Variants in CNTN5 observed in about 807,000 individuals in gnomAD.
CNTN5 encodes the protein contactin 5.
CNTN5 carries 77 observed loss-of-function variants against 129.1 expected under a neutral mutation model. The ratio of observed to expected loss-of-function variants is 0.60; its 90% CI spans 0.50 to 0.72. The LOEUF is 0.72. Among genes scored for constraint, CNTN5 ranks in the 30% least tolerant of loss-of-function variants. CNTN5 has a pLI of 0.00. For missense variants in CNTN5, 1,478 were observed against 1,328.8 expected (o/e 1.11, Z -1.75); for synonymous variants, 509 against 465.6 (o/e 1.09, Z -1.20).
At position 99,473,697 on chromosome 11, in the gene CNTN5, A is replaced by G. The variant is rs989638417; in HGVS notation, c.-70-82448A>G. 3.3e-5 allele frequency among the ~76,000 whole-genome samples: 5 copies of G among 152,044 alleles called. No individual in the cohort carries two copies. In the South Asian group the frequency reaches 6.2e-4, roughly 19 times the overall value. On this transcript the variant is annotated intron_variant, in intron 2 of 24. Coordinates refer to ENST00000524871, the MANE Select transcript of CNTN5 (RefSeq NM_014361.4). ...TTGTTGTCTTTGACTTAGAGACTCTATAATTAAAGTAAAAGCACATTTCAA... is the reference window on the plus strand; with the variant it reads ...TTGTTGTCTTTGACTTAGAGACTCTGTAATTAAAGTAAAAGCACATTTCAA...
rs144979262 is a variant in CNTN5, at chr11:99,765,178, A to G, written c.56-54366A>G. Among the ~76,000 whole-genome samples, 192 of 152,154 alleles carry G rather than the reference A, an allele frequency of 1.3e-3. 1 individual carries two copies. The highest frequency in any genetic ancestry group is 4.2e-3 in the African/African-American group (175 of 41,534). ...AACTGAGCCTGAGTCCAGTTTCTCT[A>G]TTAGAAAGACTAAGAAACAGTTGTT... is the stretch of plus-strand genomic sequence containing the variant. On this transcript the variant is annotated intron_variant, in intron 3 of 24. Coordinates refer to ENST00000524871, the MANE Select transcript of CNTN5 (RefSeq NM_014361.4).
intron 6 of CNTN5, among the ~76,000 whole-genome samples, chr11:99,882,152 A>T (rs913223205): frequency 6.6e-6 from 1 of 152,226 alleles, no homozygotes; most frequent in African/African-American, 2.4e-5. Flanking sequence ...TCTGCTGAAA[A>T]TAAGTTTAAT....
At chr11:99,948,841 A>G (rs2136139759) in intron 7 of CNTN5, among the ~76,000 whole-genome samples, 1 of 152,318 alleles carries the variant, frequency 6.6e-6, no homozygotes, top group African/African-American at 2.4e-5. Flanking sequence ...TGCTATGAAG[A>G]TTGGCTGCTT....
At chr11:99,494,531 C>T (rs1163600402) in intron 2 of CNTN5, among the ~76,000 whole-genome samples, 1 of 152,030 alleles carries the variant, frequency 6.6e-6, no homozygotes, top group Non-Finnish European at 1.5e-5. Flanking sequence ...TAATGGGGTC[C>T]AGGAAGCTGA....
At chr11:99,983,217 A>C (rs1200702489) in intron 8 of CNTN5, among the ~76,000 whole-genome samples, 1 of 152,214 alleles carries the variant, frequency 6.6e-6, no homozygotes, top group East Asian at 1.9e-4. Context: ...TGGAGAGATG[A>C]ATTTGAGTAT....
At chr11:99,543,994 G>C (rs1209482439) in intron 2 of CNTN5, among the ~76,000 whole-genome samples, 1 of 150,880 alleles carries the variant, frequency 6.6e-6, no homozygotes, top group Non-Finnish European at 1.5e-5. Flanking sequence ...TCTAAATATA[G>C]GGACATTGTG....
intron 3 of CNTN5, among the ~76,000 whole-genome samples, chr11:99,714,000 C>T (rs182714363): frequency 3.9e-5 from 6 of 151,986 alleles, no homozygotes; most frequent in East Asian, 2.0e-4. Context: ...TCCGCAGACA[C>T]AAAATAACTT....
chr11:99,987,089 CACAA>C (rs1938730213), intron 8 of CNTN5, among the ~76,000 whole-genome samples: 2 of 151,960 alleles, frequency 1.3e-5, no homozygotes, highest in Admixed American at 1.3e-4. Context: ...CAAAAAAGAA[CACAA>C]ACATTGAAAT....
intron 2 of CNTN5, among the ~76,000 whole-genome samples, chr11:99,367,493 G>A (rs1386639037): frequency 1.3e-5 from 2 of 152,076 alleles, no homozygotes; most frequent in African/African-American, 4.8e-5. Context: ...ATTTATTTTT[G>A]TGTGTAGGGA....
chr11:99,482,685 A>T (rs1945646831), intron 2 of CNTN5, among the ~76,000 whole-genome samples: 1 of 152,166 alleles, frequency 6.6e-6, no homozygotes, highest in Admixed American at 6.5e-5. Flanking sequence ...AACTATAAAA[A>T]TCCTAGAAGA....
intron 13 of CNTN5, among the ~76,000 whole-genome samples, chr11:100,158,470 GAAT>G (rs1947330998): frequency 6.6e-6 from 1 of 151,582 alleles, no homozygotes; most frequent in Admixed American, 6.6e-5. Context: ...TGTTTACTTT[GAAT>G]ATATACCATT....
At position 99,510,997 on chromosome 11, in the gene CNTN5, C is replaced by T. The variant is rs144713451; in HGVS notation, c.-70-45148C>T. 6.5e-3 allele frequency among the ~76,000 whole-genome samples: 995 copies of T among 152,174 alleles called. 14 individuals are homozygous for T. Among genetic ancestry groups the T allele is most frequent in the African/African-American group, 0.023 (944 of 41,508 alleles). ...GATGTAAAGGGGCAAGACAGTGATACTGATGATCCTGACCCTTTGCAGGCC... is the reference window on the plus strand; with the variant it reads ...GATGTAAAGGGGCAAGACAGTGATATTGATGATCCTGACCCTTTGCAGGCC... On this transcript the variant is annotated intron_variant, in intron 2 of 24. Coordinates refer to ENST00000524871, the MANE Select transcript of CNTN5 (RefSeq NM_014361.4).
chr11:100,002,096 A>G lies in CNTN5; in HGVS notation c.940A>G (p.Lys314Glu), dbSNP rs1182996274. Residue 314 changes from lysine to glutamate, a missense_variant, in exon 9 of 25, where the codon AAA (lysine) becomes GAA (glutamate). Coordinates refer to ENST00000524871, the MANE Select transcript of CNTN5 (RefSeq NM_014361.4). ...VHFPFTVTAA[K>E]GTTVKMECFA... The stretch of plus-strand genomic sequence containing the variant: ...TTTTCCTTTCACGGTTACAGCTGCT[A>G]AAGGAACAACTGTTAAGATGGAATG... 8 of 1,598,006 alleles carry G rather than the reference A, an allele frequency of 5.0e-6. No individual in the cohort carries two copies. The South Asian group carries it at 6.8e-5, about 14-fold the overall frequency.
At chr11:99,828,085 G>A (rs1947024200) in intron 4 of CNTN5, among the ~76,000 whole-genome samples, 1 of 152,008 alleles carries the variant, frequency 6.6e-6, no homozygotes, top group African/African-American at 2.4e-5. Flanking sequence ...ACATTCATAT[G>A]TATTATACTT....
chr11:99,778,885 A>C lies in CNTN5; in HGVS notation c.56-40659A>C, dbSNP rs991093103. 4.0e-5 allele frequency among the ~76,000 whole-genome samples: 6 copies of C among 150,352 alleles called. No homozygotes were observed. The East Asian group carries it at 1.2e-3, about 30-fold the overall frequency. ...TGTTAAATTTATAAAAGAATATGGT[A>C]AATTAATTTCATAGCATTTTATTAC... On this transcript the variant is annotated intron_variant, in intron 3 of 24. Coordinates refer to ENST00000524871, the MANE Select transcript of CNTN5 (RefSeq NM_014361.4).
chr11:99,419,492 C>T (rs1035789739), intron 2 of CNTN5, among the ~76,000 whole-genome samples: 2 of 152,106 alleles, frequency 1.3e-5, no homozygotes, highest in Non-Finnish European at 2.9e-5. Context: ...AATGTTGAAA[C>T]CATGCTGTGC....
intron 7 of CNTN5, among the ~76,000 whole-genome samples, chr11:99,930,103 T>G (rs1950157106): frequency 6.6e-6 from 1 of 152,148 alleles, no homozygotes; most frequent in Non-Finnish European, 1.5e-5. Flanking sequence ...TAGAGTGACT[T>G]GCCAGTGTCT....
chr11:99,778,865 A>C (rs2135377229), intron 3 of CNTN5, among the ~76,000 whole-genome samples: 1 of 151,882 alleles, frequency 6.6e-6, no homozygotes, highest in African/African-American at 2.4e-5. Flanking sequence ...ATTTGTGTTA[A>C]ATTTATAAAA....
At chr11:99,923,514 C>T (rs1304643208) in intron 7 of CNTN5, among the ~76,000 whole-genome samples, 5 of 152,072 alleles carry the variant, frequency 3.3e-5, no homozygotes, top group African/African-American at 1.2e-4. Flanking sequence ...ATTTTACTTA[C>T]ATATTTGACT....
Sources: allele counts gnomAD v4.1 joint callset (sites outside exome capture counted in the v4.1 genomes callset), GRCh38; gene constraint gnomAD v4.1.1; transcripts MANE v1.5; gene names NCBI Gene and HGNC (gene_info 2026-07-23, HGNC 2026-07-21).